The following CNTNAP5 variants were observed in gnomAD, a reference collection of about 807,000 sequenced individuals.
The protein encoded by CNTNAP5 is contactin-associated protein-like 5.
A neutral mutation model predicts 150.2 loss-of-function variants in CNTNAP5; 72 were observed. The observed-to-expected ratio is 0.48, with a 90% CI of 0.40 to 0.58. The LOEUF (loss-of-function observed/expected upper bound fraction) is 0.58, where lower values mean the gene tolerates loss of function less well. Ranked by LOEUF, CNTNAP5 falls within the 20% of genes least tolerant of loss-of-function variation. The pLI, the probability that CNTNAP5 is intolerant of heterozygous loss-of-function variation, is 0.00. For synonymous variants in CNTNAP5, 672 were observed against 619.8 expected (o/e 1.08, Z -1.25); for missense variants, 1,636 against 1,626.2 (o/e 1.01, Z -0.10).
intron 4 of CNTNAP5, among the ~76,000 whole-genome samples, chr2:124,425,771 G>A (rs534669875): frequency 2.0e-5 from 3 of 152,214 alleles, no homozygotes; most frequent in East Asian, 3.9e-4. Context: ...TTGCTATGTC[G>A]CTGTTAGGGT....
At chr2:124,221,013 C>T (rs913608411) in intron 1 of CNTNAP5, among the ~76,000 whole-genome samples, 2 of 152,092 alleles carry the variant, frequency 1.3e-5, no homozygotes, top group Non-Finnish European at 2.9e-5. Context: ...ATGGCCCCAC[C>T]CTGTCCCACA....
At chr2:124,874,970 C>T (rs1248865726) in intron 21 of CNTNAP5, among the ~76,000 whole-genome samples, 1 of 151,980 alleles carries the variant, frequency 6.6e-6, no homozygotes. Flanking sequence ...AAAAAAAATA[C>T]AGAAATTGAA....
intron 3 of CNTNAP5, among the ~76,000 whole-genome samples, chr2:124,402,687 C>G (rs1416059424): frequency 6.6e-6 from 1 of 152,160 alleles, no homozygotes; most frequent in Non-Finnish European, 1.5e-5. Flanking sequence ...TCTGAGTGGT[C>G]TTTTAAGCTA....
At chr2:124,890,759 G>A (rs983850995) in intron 21 of CNTNAP5, among the ~76,000 whole-genome samples, 2 of 152,082 alleles carry the variant, frequency 1.3e-5, no homozygotes, top group African/African-American at 4.8e-5. Flanking sequence ...GTGCAGGAAG[G>A]TTGAAGGAGT....
intron 1 of CNTNAP5, among the ~76,000 whole-genome samples, chr2:124,156,645 G>A (rs768738455): frequency 3.9e-5 from 6 of 152,154 alleles, no homozygotes; most frequent in Middle Eastern, 3.4e-3. Context: ...ACAAACATGC[G>A]CCACCATACC....
chr2:124,645,779 G>A (rs1311171388), intron 12 of CNTNAP5, among the ~76,000 whole-genome samples: 1 of 152,180 alleles, frequency 6.6e-6, no homozygotes, highest in African/African-American at 2.4e-5. Context: ...TTGGCTCATG[G>A]TTTTGCAGGA....
intron 1 of CNTNAP5, among the ~76,000 whole-genome samples, chr2:124,041,662 T>C (rs1424700000): frequency 6.6e-6 from 1 of 152,046 alleles, no homozygotes; most frequent in Non-Finnish European, 1.5e-5. Context: ...TGTCACAGCT[T>C]GGGGGTTTCT....
At chr2:124,356,946 C>G (rs990552141) in intron 3 of CNTNAP5, among the ~76,000 whole-genome samples, 7 of 152,102 alleles carry the variant, frequency 4.6e-5, no homozygotes, top group Non-Finnish European at 8.8e-5. Context: ...GTTCCTATTT[C>G]TTCACATCCT....
At chr2:124,076,475 C>G (rs750118758) in intron 1 of CNTNAP5, among the ~76,000 whole-genome samples, 1 of 152,108 alleles carries the variant, frequency 6.6e-6, no homozygotes, top group Non-Finnish European at 1.5e-5. Flanking sequence ...TCCTTCAACT[C>G]CCTGATTATG....
chr2:124,902,166 T>G (rs992870297), intron 21 of CNTNAP5, among the ~76,000 whole-genome samples: 8 of 152,136 alleles, frequency 5.3e-5, no homozygotes, highest in African/African-American at 1.9e-4. Flanking sequence ...TGAGTAATCT[T>G]ACCACCAATC....
intron 19 of CNTNAP5, among the ~76,000 whole-genome samples, chr2:124,799,467 CA>C (rs1558780729): frequency 6.6e-6 from 1 of 152,166 alleles, no homozygotes; most frequent in Non-Finnish European, 1.5e-5. Flanking sequence ...ATCAAGAATA[CA>C]ACTTTCTTCC....
At chr2:124,866,893 A>G (rs1677643708) in intron 20 of CNTNAP5, among the ~76,000 whole-genome samples, 1 of 152,156 alleles carries the variant, frequency 6.6e-6, no homozygotes. Context: ...CTTAACTCTG[A>G]GCAGATGACT....
chr2:124,043,447 A>G (rs1220940924), intron 1 of CNTNAP5, among the ~76,000 whole-genome samples: 3 of 152,186 alleles, frequency 2.0e-5, no homozygotes, highest in Non-Finnish European at 4.4e-5. Flanking sequence ...TGTCTTCATC[A>G]TAATTATTCC....
At chr2:124,120,828 T>C (rs1683542951) in intron 1 of CNTNAP5, among the ~76,000 whole-genome samples, 1 of 152,186 alleles carries the variant, frequency 6.6e-6, no homozygotes, top group Non-Finnish European at 1.5e-5. Context: ...TCTCGTTATA[T>C]GACCTCAATG....
At chr2:124,665,022 C>T (rs1039656515) in intron 13 of CNTNAP5, among the ~76,000 whole-genome samples, 40 of 151,962 alleles carry the variant, frequency 2.6e-4, no homozygotes, top group Admixed American at 2.3e-3. Flanking sequence ...CAGAAGGTGA[C>T]GAGACAGAAG....
chr2:124,608,346 A>T (rs1677300509), intron 11 of CNTNAP5, among the ~76,000 whole-genome samples: 1 of 152,128 alleles, frequency 6.6e-6, no homozygotes, highest in African/African-American at 2.4e-5. Flanking sequence ...CCCCCAACAG[A>T]TTTATTCATG....
At chr2:124,089,951 C>T (rs979372627) in intron 1 of CNTNAP5, among the ~76,000 whole-genome samples, 1 of 152,218 alleles carries the variant, frequency 6.6e-6, no homozygotes, top group African/African-American at 2.4e-5. Flanking sequence ...TGACCATCAC[C>T]TAATGCTGAG....
At chr2:124,800,005 T>C (rs1681933326) in intron 19 of CNTNAP5, among the ~76,000 whole-genome samples, 1 of 152,196 alleles carries the variant, frequency 6.6e-6, no homozygotes, top group Admixed American at 6.5e-5. Context: ...TCTATCAACA[T>C]AGCAGGTCTT....
intron 3 of CNTNAP5, among the ~76,000 whole-genome samples, chr2:124,391,229 A>T (rs1449235294): frequency 6.6e-6 from 1 of 152,198 alleles, no homozygotes; most frequent in Non-Finnish European, 1.5e-5. Flanking sequence ...TAACAGATAC[A>T]CCATTTGTTA....
Sources: gnomAD v4.1 joint callset for allele counts (sites outside exome capture counted in the v4.1 genomes callset) on GRCh38, gnomAD v4.1.1 for gene constraint, MANE v1.5 for transcripts, NCBI Gene and HGNC (gene_info 2026-07-23, HGNC 2026-07-21) for gene names.